KDM4C: variants seen among roughly 807,000 people sequenced by gnomAD.
KDM4C encodes lysine-specific demethylase 4C.
A neutral mutation model predicts 129.3 loss-of-function variants in KDM4C; 81 were observed. That is an observed-to-expected ratio of 0.63 (90% CI 0.52 to 0.75). KDM4C has a LOEUF of 0.75. Ranked by LOEUF, KDM4C falls within the 30% of genes least tolerant of loss-of-function variation. The pLI is 0.00. For synonymous variants in KDM4C, 573 were observed against 456.1 expected, an observed-to-expected ratio of 1.26 and a Z score of -3.26; for missense variants, 1,457 against 1,304.0, an observed-to-expected ratio of 1.12 and a Z score of -1.81.
Position 6,888,993 on chromosome 9 carries a change from T to C in KDM4C, c.783+930T>C, listed in dbSNP as rs1351210147. On this transcript the variant is annotated intron_variant, in intron 7 of 21. Coordinates refer to ENST00000381309, the MANE Select transcript of KDM4C (RefSeq NM_015061.6). ...TTAGTAGAGACGGGGTTTCACCGTT[T>C]TAGCCGGGATGGCCTCGATCTCCCG... 5.2e-5 allele frequency among the ~76,000 whole-genome samples: 2 copies of C among 38,098 alleles called. 1 individual carries two copies. The highest frequency in any genetic ancestry group is 1.1e-4 in the Non-Finnish European group (2 of 18,958). 25.0% of individuals were successfully genotyped at this position (38,098 alleles called of 152,430 possible).
In KDM4C at chr9:6,986,415, A is replaced by T. The variant is rs1387158355; in HGVS notation, c.1426A>T (p.Ser476Cys). Reference sequence around the variant, plus strand: ...GGATGACAAAGCTTATGCATATAGAAGTGTACCTTCTATATCCAGTGAGGC... The same window carrying T: ...GGATGACAAAGCTTATGCATATAGATGTGTACCTTCTATATCCAGTGAGGC... ...TEDDKAYAYR[S>C]VPSISSEADD... Residue 476 changes from serine to cysteine, a missense_variant, in exon 11 of 22, where the codon AGT (serine) becomes TGT (cysteine). Physicochemically the swap from Ser to Cys is moderately radical, Grantham distance 112. Transcript: ENST00000381309. 6.2e-7 allele frequency: 1 copy of T among 1,613,908 alleles called. No homozygotes were observed. The highest frequency in any genetic ancestry group is 8.5e-7 in the Non-Finnish European group (1 of 1,179,900).
intron 19 of KDM4C, among the ~76,000 whole-genome samples, chr9:7,140,051 C>T (rs1248498907): frequency 6.6e-6 from 1 of 152,232 alleles, no homozygotes; most frequent in Non-Finnish European, 1.5e-5. Flanking sequence ...ACTTCTGGGG[C>T]ATTGCATTCC....
chr9:6,923,022 C>G (rs1212539113), intron 8 of KDM4C, among the ~76,000 whole-genome samples: 1 of 152,206 alleles, frequency 6.6e-6, no homozygotes, highest in African/African-American at 2.4e-5. Context: ...CTTGTTTTGT[C>G]ATATGCTTTA....
intron 3 of KDM4C, among the ~76,000 whole-genome samples, chr9:6,811,151 C>T (rs1047449755): frequency 7.9e-5 from 12 of 151,966 alleles, no homozygotes. Context: ...AGGTTTTCTG[C>T]TGGGCTGTCT....
chr9:6,860,825 A>T (rs188488944), intron 5 of KDM4C, among the ~76,000 whole-genome samples: 13 of 152,246 alleles, frequency 8.5e-5, no homozygotes, highest in Non-Finnish European at 1.6e-4. Context: ...GTTTCTCTAG[A>T]TTGAGAATAC....
At chr9:6,978,165 C>G (rs1780929550) in intron 8 of KDM4C, among the ~76,000 whole-genome samples, 1 of 152,098 alleles carries the variant, frequency 6.6e-6, no homozygotes, top group South Asian at 2.1e-4. Flanking sequence ...GAAACTGAGG[C>G]ACAGAGAGGT....
chr9:6,748,817 G>A (rs755290401), intron 1 of KDM4C: 7 of 1,308,674 alleles, frequency 5.3e-6, no homozygotes, highest in Non-Finnish European at 6.6e-6. Context: ...CTAATACAAG[G>A]TTCATATACT....
intron 8 of KDM4C, among the ~76,000 whole-genome samples, chr9:6,944,658 T>G (rs934593614): frequency 7.1e-6 from 1 of 140,916 alleles, no homozygotes; most frequent in Non-Finnish European, 1.6e-5. Context: ...AGAGGTTTTT[T>G]TTTTTTTTTT....
intron 19 of KDM4C, among the ~76,000 whole-genome samples, chr9:7,152,697 T>C (rs889265089): frequency 5.9e-5 from 9 of 152,300 alleles, no homozygotes; most frequent in African/African-American, 1.9e-4. Flanking sequence ...GTAAATTTAG[T>C]GTTATGGGTA....
chr9:6,763,053 G>A (rs1027487150), intron 1 of KDM4C, among the ~76,000 whole-genome samples: 1 of 151,902 alleles, frequency 6.6e-6, no homozygotes, highest in Non-Finnish European at 1.5e-5. Context: ...TGGATGGGGG[G>A]TAGAGGGGGC....
intron 15 of KDM4C, among the ~76,000 whole-genome samples, chr9:7,020,862 T>C (rs1019792537): frequency 6.6e-6 from 1 of 152,122 alleles, no homozygotes; most frequent in African/African-American, 2.4e-5. Flanking sequence ...ATTAAATTAT[T>C]TTTGACTGTA....
chr9:6,814,794 G>A (rs752048405), intron 4 of KDM4C, 49 bp downstream of exon 4: 1 of 1,213,248 alleles, frequency 8.2e-7, no homozygotes, highest in Non-Finnish European at 1.2e-6. Flanking sequence ...GGATGTGACA[G>A]TTTTGTTACC....
Position 7,174,632 on chromosome 9 carries a change from T to C in KDM4C, c.3074T>C (p.Val1025Ala). ...IIQGERKRQR[V>A]LSSRFKNEYV... ...CAAGGGGAGAGAAAGAGACAAAGAG[T>C]GCTGAGCTCCAGGTTTAAGAATGAA... The change falls in exon 22 of 22, where the codon GTG (valine) becomes GCG (alanine). Residue 1025 changes from valine to alanine, a missense_variant. Transcript: ENST00000381309. The C allele has an allele frequency of 6.2e-7, 1 of 1,614,048 alleles. No individual in the cohort carries two copies. The highest frequency in any genetic ancestry group is 8.5e-7 in the Non-Finnish European group (1 of 1,179,964).
intron 5 of KDM4C, among the ~76,000 whole-genome samples, chr9:6,876,372 C>A (rs1006631972): frequency 2.6e-5 from 4 of 152,070 alleles, no homozygotes; most frequent in Non-Finnish European, 5.9e-5. Context: ...ATAATGAGCT[C>A]CTAAATATGA....
chr9:7,026,368 T>A (rs889524607), intron 15 of KDM4C, among the ~76,000 whole-genome samples: 2 of 151,288 alleles, frequency 1.3e-5, no homozygotes, highest in Admixed American at 6.6e-5. Context: ...AGGGTAAATG[T>A]TTTTTTTTCT....
intron 9 of KDM4C, 74 bp from the exon 10 acceptor site, chr9:6,984,092 A>G (rs904346000): frequency 1.1e-6 from 1 of 887,968 alleles, no homozygotes; most frequent in Non-Finnish European, 1.8e-6. Flanking sequence ...AGTGAAAATG[A>G]CATTTATATT....
At chr9:6,972,368 A>G (rs1832146236) in intron 8 of KDM4C, among the ~76,000 whole-genome samples, 1 of 152,110 alleles carries the variant, frequency 6.6e-6, no homozygotes, top group African/African-American at 2.4e-5. Context: ...CCATATGATT[A>G]TATTTTCTCC....
chr9:6,947,359 T>C (rs567151336), intron 8 of KDM4C, among the ~76,000 whole-genome samples: 2 of 152,306 alleles, frequency 1.3e-5, no homozygotes, highest in South Asian at 4.1e-4. Context: ...GTTTTTAAAA[T>C]TCTTTCCTTT....
At chr9:6,864,380 A>T (rs1841537886) in intron 5 of KDM4C, among the ~76,000 whole-genome samples, 1 of 152,236 alleles carries the variant, frequency 6.6e-6, no homozygotes. Context: ...GGCCAGTTAG[A>T]TAGAGTTCCT....
Sources: gnomAD v4.1 joint callset for allele counts (sites outside exome capture counted in the v4.1 genomes callset) on GRCh38, gnomAD v4.1.1 for gene constraint, MANE v1.5 for transcripts, NCBI Gene and HGNC (gene_info 2026-07-23, HGNC 2026-07-21) for gene names.